The following ARHGAP26 variants were observed in gnomAD, a reference collection of about 807,000 sequenced individuals.
ARHGAP26 encodes Rho GTPase activating protein 26, also known as rho GTPase-activating protein 26.
Under a neutral mutation model 104.8 loss-of-function variants are expected in ARHGAP26, and 38 were observed. That is an observed-to-expected ratio of 0.36 (90% confidence interval 0.28 to 0.48). The LOEUF (loss-of-function observed/expected upper bound fraction) is 0.48, where lower values mean the gene tolerates loss of function less well. Ranked by LOEUF, ARHGAP26 falls within the 20% of genes least tolerant of loss-of-function variation. ARHGAP26 has a pLI of 0.99. For missense variants in ARHGAP26, 704 were observed against 947.9 expected (o/e 0.74, Z 3.38); for synonymous variants, 341 against 340.0 (o/e 1.00, Z -0.03).
At chr5:143,180,598 C>G (rs902957015) in intron 20 of ARHGAP26, among the ~76,000 whole-genome samples, 1 of 152,246 alleles carries the variant, frequency 6.6e-6, no homozygotes, top group East Asian at 1.9e-4. Flanking sequence ...AGGAAACTTA[C>G]AATCATGGCA....
chr5:143,148,972 T>C (rs1010697673), intron 20 of ARHGAP26, among the ~76,000 whole-genome samples: 46 of 152,198 alleles, frequency 3.0e-4, no homozygotes, highest in African/African-American at 1.1e-3. Flanking sequence ...TGTGGGCCCC[T>C]GAGTCACTGC....
intron 14 of ARHGAP26, among the ~76,000 whole-genome samples, chr5:143,050,107 G>A (rs1169479346): frequency 2.2e-4 from 34 of 152,194 alleles, no homozygotes; most frequent in Admixed American, 2.2e-3. Flanking sequence ...GGGCTATGTT[G>A]TTGGTGGGCA....
At chr5:142,771,353 G>C in intron 1 of ARHGAP26, 1 of 1,232,082 alleles carries the variant, frequency 8.1e-7, no homozygotes, top group Non-Finnish European at 1.0e-6. Context: ...TGCCGAGGGG[G>C]CGCTGCCTCC....
chr5:142,891,126 A>T (rs894486825), intron 5 of ARHGAP26, among the ~76,000 whole-genome samples: 1 of 151,936 alleles, frequency 6.6e-6, no homozygotes, highest in African/African-American at 2.4e-5. Context: ...CTACAAGAAG[A>T]TCAAAGGCTA....
At chr5:142,877,075 T>TACCC (rs1447628877) in intron 3 of ARHGAP26, among the ~76,000 whole-genome samples, 1 of 152,140 alleles carries the variant, frequency 6.6e-6, no homozygotes, top group Non-Finnish European at 1.5e-5. Flanking sequence ...TCACCATGAA[T>TACCC]ACCCTGCAGA....
rs1012062211 is a variant in ARHGAP26, at chr5:142,771,131, G to A, written c.154+216G>A. The A allele has an allele frequency of 5.3e-6, 7 of 1,320,994 alleles. No individual in the cohort carries two copies. In the African/African-American group the frequency reaches 1.1e-4, roughly 20 times the overall value. 81.8% of individuals were successfully genotyped at this position (1,320,994 alleles called of 1,614,324 possible). On this transcript the variant is annotated intron_variant, in intron 1 of 22. Coordinates refer to ENST00000645722, the MANE Select transcript of ARHGAP26 (RefSeq NM_001135608.3). ...CCCGTCGCTCCGCCTTTTGCGTTCA[G>A]GGATGGTCGGGAGGTGACCCAGCGC... is the stretch of plus-strand genomic sequence containing the variant.
intron 11 of ARHGAP26, among the ~76,000 whole-genome samples, chr5:143,004,530 T>A (rs1777670561): frequency 6.6e-6 from 1 of 152,082 alleles, no homozygotes; most frequent in Admixed American, 6.5e-5. Context: ...GGGGCTTAGG[T>A]CTGTGTGTAA....
chr5:143,170,581 A>G (rs536615733), intron 20 of ARHGAP26: 1 of 152,260 alleles, frequency 6.6e-6, no homozygotes, highest in Non-Finnish European at 1.5e-5. Context: ...GGTGGTAATG[A>G]CAATGATAAT....
intron 16 of ARHGAP26, 49 bp downstream of exon 16, chr5:143,056,135 A>G (rs760178184): frequency 2.0e-5 from 30 of 1,507,084 alleles, no homozygotes; most frequent in Middle Eastern, 1.7e-4. Context: ...AGATTTTTCT[A>G]TTTCAAAGAA....
intron 17 of ARHGAP26, among the ~76,000 whole-genome samples, chr5:143,117,286 G>A (rs181226385): frequency 1.3e-4 from 20 of 152,264 alleles, no homozygotes; most frequent in African/African-American, 3.6e-4. Flanking sequence ...GACCGGCTCC[G>A]CAGTGCTCTG....
chr5:143,156,784 A>T (rs191216263), intron 20 of ARHGAP26, among the ~76,000 whole-genome samples: 1 of 152,254 alleles, frequency 6.6e-6, no homozygotes, highest in East Asian at 1.9e-4. Context: ...GGCCTTTGGG[A>T]TCAGTCACAG....
At chr5:143,082,963 CAT>C (rs908139730) in intron 17 of ARHGAP26, among the ~76,000 whole-genome samples, 4 of 152,120 alleles carry the variant, frequency 2.6e-5, no homozygotes, top group African/African-American at 9.7e-5. Flanking sequence ...AGCTAAATAT[CAT>C]ATTCTTTAAG....
At chr5:142,877,686 C>T (rs2152378788) in intron 3 of ARHGAP26, among the ~76,000 whole-genome samples, 1 of 152,342 alleles carries the variant, frequency 6.6e-6, no homozygotes, top group East Asian at 1.9e-4. Context: ...CTACTTATGA[C>T]TGCATTCTCA....
chr5:142,980,595 G>A (rs1237146275), intron 11 of ARHGAP26, among the ~76,000 whole-genome samples: 1 of 151,880 alleles, frequency 6.6e-6, no homozygotes, highest in Non-Finnish European at 1.5e-5. Context: ...CACCATGTTG[G>A]CCAGGCTGGT....
chr5:143,039,003 C>A (rs1040802599), intron 13 of ARHGAP26, among the ~76,000 whole-genome samples: 1 of 151,936 alleles, frequency 6.6e-6, no homozygotes, highest in East Asian at 1.9e-4. Flanking sequence ...ATTTATAATA[C>A]GTGAAAAATG....
In ARHGAP26 at chr5:143,011,900, G is replaced by A. The variant is rs139191372; in HGVS notation, c.1108-2180G>A. Among the ~76,000 whole-genome samples the A allele has an allele frequency of 7.3e-3, 1,109 of 152,282 alleles. 19 individuals are homozygous for A. The highest frequency in any genetic ancestry group is 0.025 in the African/African-American group (1,052 of 41,548). On this transcript the variant is annotated intron_variant, in intron 11 of 22. Transcript: ENST00000645722. ...TTTTCTCAGTAGTAGAGTCCAAAGC[G>A]CTTGCATTGTGTTGTGCTGTTTCAG...
chr5:142,797,801 G>A (rs17099517), intron 1 of ARHGAP26, among the ~76,000 whole-genome samples: 2 of 152,030 alleles, frequency 1.3e-5, no homozygotes, highest in African/African-American at 4.8e-5. Flanking sequence ...AAGACCAGTT[G>A]CCACTCTGTT....
chr5:143,216,396 G>A (rs938095114), intron 22 of ARHGAP26: 6 of 441,800 alleles, frequency 1.4e-5, no homozygotes, highest in African/African-American at 1.2e-4. Context: ...CCATTGCTCT[G>A]AGAATTACTT....
intron 11 of ARHGAP26, among the ~76,000 whole-genome samples, chr5:142,963,557 TATC>T (rs1770769880): frequency 6.6e-6 from 1 of 152,160 alleles, no homozygotes; most frequent in Non-Finnish European, 1.5e-5. Context: ...TAACTCTTAA[TATC>T]TAAACACCGT....
Sources: gnomAD v4.1 joint callset for allele counts (sites outside exome capture counted in the v4.1 genomes callset) on GRCh38, gnomAD v4.1.1 for gene constraint, MANE v1.5 for transcripts, NCBI Gene and HGNC (gene_info 2026-07-23, HGNC 2026-07-21) for gene names.